DCDC2: variants seen among roughly 807,000 people sequenced by gnomAD.
DCDC2 encodes the protein doublecortin domain containing 2.
Under a neutral mutation model 50.2 loss-of-function variants are expected in DCDC2, and 40 were observed. That is an observed-to-expected ratio of 0.80 (90% CI 0.62 to 1.04). The LOEUF is 1.04. DCDC2 is among the 50% of genes least tolerant of loss of function. DCDC2 has a pLI of 0.00. For synonymous variants in DCDC2, 234 were observed against 210.6 expected, an observed-to-expected ratio of 1.11 and a Z score of -0.96; for missense variants, 570 against 581.9, an observed-to-expected ratio of 0.98 and a Z score of 0.21.
chr6:24,345,937 T>C (rs373652422), intron 2 of DCDC2, among the ~76,000 whole-genome samples: 118 of 152,240 alleles, frequency 7.8e-4, no homozygotes, highest in African/African-American at 2.7e-3. Context: ...CCCAGCACTT[T>C]GGGAGGCCGA....
In DCDC2 at chr6:24,317,081, A is replaced by ATATG. The variant is rs1224095076; in HGVS notation, c.349-15038_349-15037insCATA. 7.5e-3 allele frequency among the ~76,000 whole-genome samples: 1,141 copies of ATATG among 152,132 alleles called. 11 individuals carry two copies. The highest frequency in any genetic ancestry group is 0.026 in the African/African-American group (1,063 of 41,528). ...AAACACTACATATATGCACACATACATGCATACATCTGTATTTACAGATGT... is the reference window on the plus strand; with the variant it reads ...AAACACTACATATATGCACACATACATATGTGCATACATCTGTATTTACAGATGT... On this transcript the variant is annotated intron_variant, in intron 2 of 9. Transcript: ENST00000378454.
At chr6:24,221,114 G>C (rs1320140686) in intron 7 of DCDC2, among the ~76,000 whole-genome samples, 3 of 152,018 alleles carry the variant, frequency 2.0e-5, no homozygotes, top group Admixed American at 2.0e-4. Context: ...AAACAAAAGG[G>C]GTACAGACCT....
chr6:24,183,404 T>C lies in DCDC2; in HGVS notation c.1024-4772A>G, dbSNP rs137974264. On this transcript the variant is annotated intron_variant, in intron 8 of 9. Coordinates refer to ENST00000378454, the MANE Select transcript of DCDC2 (RefSeq NM_016356.5). ...CTGAAGAGCAAGGATTTCTAGGGAG[T>C]TCAGGAAAGGAGCCCACACCAGGAA... Among the ~76,000 whole-genome samples the C allele has an allele frequency of 8.5e-3, 1,285 of 151,594 alleles. 16 individuals are homozygous for C. The highest frequency in any genetic ancestry group is 0.029 in the African/African-American group (1,202 of 41,272).
At chr6:24,251,630 T>C (rs1443151027) in intron 7 of DCDC2, among the ~76,000 whole-genome samples, 1 of 152,174 alleles carries the variant, frequency 6.6e-6, no homozygotes, top group Admixed American at 6.5e-5. Flanking sequence ...TTGAGCACAT[T>C]CTGACACCTG....
Position 24,220,870 on chromosome 6 carries a change from A to AGAGAGACAGAGAGCGAGAGAGAC in DCDC2, c.923-15769_923-15768insGTCTCTCTCGCTCTCTGTCTCTC, listed in dbSNP as rs1554146303. Among the ~76,000 whole-genome samples, 964 of 127,106 alleles carry AGAGAGACAGAGAGCGAGAGAGAC rather than the reference A, an allele frequency of 7.6e-3. 4 individuals are homozygous for AGAGAGACAGAGAGCGAGAGAGAC. The highest frequency in any genetic ancestry group is 9.9e-3 in the Non-Finnish European group (624 of 62,998). The allele number at this position is 127,106 out of a possible 152,430, so 83.4% of individuals were successfully genotyped here. On this transcript the variant is annotated intron_variant, in intron 7 of 9. Transcript: ENST00000378454. Reference sequence around the variant, plus strand: ...TGGCGGCAGGAGAGAGACAGAGAGCAAGAGAGCGAGAGCGAGAGAGTGAGC... The same window carrying AGAGAGACAGAGAGCGAGAGAGAC: ...TGGCGGCAGGAGAGAGACAGAGAGCAGAGAGACAGAGAGCGAGAGAGACAGAGAGCGAGAGCGAGAGAGTGAGC...
chr6:24,274,995 GA>G (rs1232837566), intron 7 of DCDC2, among the ~76,000 whole-genome samples: 1 of 151,924 alleles, frequency 6.6e-6, no homozygotes, highest in Non-Finnish European at 1.5e-5. Flanking sequence ...ATTGTAAGTA[GA>G]AAAAGCCATG....
At chr6:24,175,240 C>T (rs767291950) in intron 9 of DCDC2, among the ~76,000 whole-genome samples, 3 of 152,078 alleles carry the variant, frequency 2.0e-5, no homozygotes, top group African/African-American at 2.4e-5. Context: ...TTCACAAATT[C>T]GTTGTGAATA....
intron 7 of DCDC2, among the ~76,000 whole-genome samples, chr6:24,228,844 G>A (rs778454256): frequency 3.9e-5 from 6 of 152,170 alleles, no homozygotes; most frequent in Non-Finnish European, 7.3e-5. Context: ...TCAGAGTGGA[G>A]AGGAGAGGTG....
chr6:24,247,335 T>TATA (rs29001507), intron 7 of DCDC2, among the ~76,000 whole-genome samples: 5 of 150,940 alleles, frequency 3.3e-5, no homozygotes, highest in South Asian at 2.1e-4. Context: ...TTAACTATTT[T>TATA]TATATATATA....
chr6:24,273,348 A>AT (rs1763282052), intron 7 of DCDC2, among the ~76,000 whole-genome samples: 1 of 152,174 alleles, frequency 6.6e-6, no homozygotes, highest in African/African-American at 2.4e-5. Context: ...TATTCAAGTT[A>AT]TGGTTACACT....
At chr6:24,252,307 G>A (rs1762810483) in intron 7 of DCDC2, among the ~76,000 whole-genome samples, 1 of 151,998 alleles carries the variant, frequency 6.6e-6, no homozygotes, top group African/African-American at 2.4e-5. Flanking sequence ...ATAATTTCCA[G>A]CCAGATCACA....
chr6:24,355,883 T>C (rs1321141860), intron 1 of DCDC2, among the ~76,000 whole-genome samples: 1 of 152,194 alleles, frequency 6.6e-6, no homozygotes, highest in African/African-American at 2.4e-5. Flanking sequence ...AATATTTCTA[T>C]GTAGTTATAA....
At chr6:24,187,339 A>G (rs971728220) in intron 8 of DCDC2, among the ~76,000 whole-genome samples, 4 of 152,006 alleles carry the variant, frequency 2.6e-5, no homozygotes, top group African/African-American at 9.7e-5. Flanking sequence ...CCATCCTATT[A>G]CTCATGCTGT....
At chr6:24,280,512 G>T (rs1465538722) in intron 6 of DCDC2, among the ~76,000 whole-genome samples, 1 of 151,854 alleles carries the variant, frequency 6.6e-6, no homozygotes, top group Non-Finnish European at 1.5e-5. Flanking sequence ...ATTCTCAATG[G>T]AGTCTTTCAT....
chr6:24,248,150 A>C (rs1169485568), intron 7 of DCDC2, among the ~76,000 whole-genome samples: 1 of 152,254 alleles, frequency 6.6e-6, no homozygotes, highest in African/African-American at 2.4e-5. Context: ...CAGTTTCTGC[A>C]TCTGTAGATT....
chr6:24,314,965 T>C (rs1759635581), intron 2 of DCDC2, among the ~76,000 whole-genome samples: 1 of 152,178 alleles, frequency 6.6e-6, no homozygotes, highest in Non-Finnish European at 1.5e-5. Context: ...AAATATATTT[T>C]TCTTGTAATA....
At chr6:24,242,909 C>T (rs773863011) in intron 7 of DCDC2, among the ~76,000 whole-genome samples, 3 of 151,894 alleles carry the variant, frequency 2.0e-5, no homozygotes, top group African/African-American at 7.3e-5. Flanking sequence ...TTGCAGTGAG[C>T]CGAGATCATG....
chr6:24,216,860 ATTC>A (rs1761993208), intron 7 of DCDC2, among the ~76,000 whole-genome samples: 1 of 152,248 alleles, frequency 6.6e-6, no homozygotes, highest in Non-Finnish European at 1.5e-5. Context: ...TGAATATACC[ATTC>A]TTGCTATGCA....
intron 9 of DCDC2, among the ~76,000 whole-genome samples, chr6:24,176,540 T>C (rs997366112): frequency 3.3e-5 from 5 of 152,220 alleles, no homozygotes; most frequent in African/African-American, 1.2e-4. Context: ...TACAAAATGA[T>C]GTTTTGAAAT....
Sources: gnomAD v4.1 joint callset for allele counts (sites outside exome capture counted in the v4.1 genomes callset) on GRCh38, gnomAD v4.1.1 for gene constraint, MANE v1.5 for transcripts, NCBI Gene and HGNC (gene_info 2026-07-23, HGNC 2026-07-21) for gene names.